PCCB: variants seen among roughly 807,000 people sequenced by gnomAD.
PCCB encodes the protein propionyl-CoA carboxylase beta chain, mitochondrial.
In PCCB, 43 loss-of-function variants were observed where a neutral mutation model predicts 60.7. That is an observed-to-expected ratio of 0.71 (90% CI 0.55 to 0.91). The LOEUF (loss-of-function observed/expected upper bound fraction) is 0.91. Ranked by LOEUF, PCCB falls within the 40% of genes least tolerant of loss-of-function variation. The probability of loss-of-function intolerance (pLI) is 0.00; values close to 1 mark genes in which losing one functional copy is unlikely to be tolerated. For missense variants in PCCB, 766 were observed against 702.8 expected, an observed-to-expected ratio of 1.09 and a Z score of -1.02; for synonymous variants, 276 against 255.9, an observed-to-expected ratio of 1.08 and a Z score of -0.75.
chr3:136,263,254 G>GTT (rs137942280), intron 5 of PCCB, among the ~76,000 whole-genome samples: 72,403 of 125,898 alleles, frequency 0.58, 21,552 homozygotes, highest in East Asian at 0.92. Context: ...CGCCCAGCTG[G>GTT]TTTTTTTTTT....
intron 5 of PCCB, among the ~76,000 whole-genome samples, chr3:136,268,098 A>ATATATATATATATATATG (rs1942073973): frequency 8.7e-6 from 1 of 115,538 alleles, no homozygotes; most frequent in Non-Finnish European, 1.7e-5. Context: ...ATATATATAT[A>ATATATATATATATATATG]TATATATATA....
intron 10 of PCCB, among the ~76,000 whole-genome samples, chr3:136,324,663 G>C (rs982881551): frequency 4.2e-4 from 64 of 151,886 alleles, no homozygotes; most frequent in African/African-American, 1.5e-3. Flanking sequence ...TCTGCAGGTT[G>C]TTCCTCTACC....
In PCCB at chr3:136,255,936, CAG is replaced by C; in HGVS notation, c.266_267del (p.Arg89MetfsTer9). The C allele has an allele frequency of 6.2e-7, 1 of 1,614,098 alleles. No individual in the cohort carries two copies. The highest frequency in any genetic ancestry group is 8.5e-7 in the Non-Finnish European group (1 of 1,179,916). On this transcript the variant is annotated frameshift_variant, in exon 2 of 15. Transcript: ENST00000251654. LOFTEE classifies it high-confidence loss of function. The part of the protein sequence containing the change: ...FVESDMFVEH[R>X]CADFGMAADK... Reference sequence around the variant, plus strand: ...TTGAGAGCGACATGTTTGTGGAACACAGATGTGCAGATTTTGGAATGGCTGCT... The same window carrying C: ...TTGAGAGCGACATGTTTGTGGAACACATGTGCAGATTTTGGAATGGCTGCT...
At chr3:136,258,629 AGGG>A (rs1217521033) in intron 3 of PCCB, among the ~76,000 whole-genome samples, 1 of 152,116 alleles carries the variant, frequency 6.6e-6, no homozygotes, top group African/African-American at 2.4e-5. Context: ...AGAGAAAAAA[AGGG>A]GCCAGCACTC....
chr3:136,293,513 A>G (rs185564103), intron 6 of PCCB, among the ~76,000 whole-genome samples: 96 of 152,334 alleles, frequency 6.3e-4, no homozygotes, highest in African/African-American at 2.3e-3. Flanking sequence ...TGACCTTGAG[A>G]TGTTAGCCAC....
chr3:136,255,610 C>T (rs1266872692), intron 1 of PCCB: 20 of 528,266 alleles, frequency 3.8e-5, no homozygotes, highest in Admixed American at 9.4e-5. Flanking sequence ...ACCTTTTCCT[C>T]GTCCTATTTC....
chr3:136,300,969 T>G, intron 8 of PCCB, 61 bp from the exon 9 acceptor site: 3 of 1,273,350 alleles, frequency 2.4e-6, no homozygotes, highest in Non-Finnish European at 3.4e-6. Context: ...CCCACCCCAT[T>G]CCCACAAAAG....
chr3:136,264,078 C>G (rs978022342), intron 5 of PCCB, among the ~76,000 whole-genome samples: 1 of 151,882 alleles, frequency 6.6e-6, no homozygotes, highest in Non-Finnish European at 1.5e-5. Context: ...TCCTATATGT[C>G]CTTTTCCCAG....
Position 136,255,994 on chromosome 3 carries a change from G to A in PCCB, c.303+19G>A. On this transcript the variant is annotated intron_variant, in intron 2 of 14. Transcript: ENST00000251654. ...GAATAAGGTATTTGTTCAAATGGTG[G>A]TGTGAACACTTTTTAGGTGTGGCTC... The A allele has an allele frequency of 1.2e-6, 2 of 1,614,072 alleles. No homozygotes were observed. Among genetic ancestry groups the A allele is most frequent in the Non-Finnish European group, 1.7e-6 (2 of 1,179,910 alleles).
At chr3:136,259,696 C>A (rs1214652665) in intron 3 of PCCB, among the ~76,000 whole-genome samples, 1 of 152,092 alleles carries the variant, frequency 6.6e-6, no homozygotes, top group Non-Finnish European at 1.5e-5. Context: ...ATGGAATAAT[C>A]TATAAATCAG....
rs763424489 is a variant in PCCB at position 136,298,069 on chromosome 3, C to A, written c.881C>A (p.Pro294His). 1 of 1,613,954 alleles carries A rather than the reference C, an allele frequency of 6.2e-7. No individual in the cohort carries two copies. Among genetic ancestry groups the A allele is most frequent in the African/African-American group, 1.3e-5 (1 of 74,910 alleles). ...DPAPVRECHD[P>H]SDRLVPELDT... ...GCTCCCGTCCGTGAGTGCCACGATC[C>A]CAGGTGGGTTGTAGGCCGGTGCACC... The change falls in exon 8 of 15, where the codon CCC (proline) becomes CAC (histidine). Residue 294 changes from proline (P) to histidine (H), a missense_variant. By Grantham distance (77) the Pro-to-His change is moderately conservative (BLOSUM62 -2). Transcript: ENST00000251654.
chr3:136,287,043 A>T lies in PCCB; in HGVS notation c.654+3096A>T, dbSNP rs532880128. Among the ~76,000 whole-genome samples, 1,045 of 151,610 alleles carry T rather than the reference A, an allele frequency of 6.9e-3. 14 individuals are homozygous for T. The highest frequency in any genetic ancestry group is 0.023 in the African/African-American group (943 of 41,158). ...AAGACTCTGTCTCGGAAAAAAAAAA[A>T]AAAATAATAAAAATAACCCAGGTCA... On this transcript the variant is annotated intron_variant, in intron 6 of 14. Transcript: ENST00000251654.
chr3:136,298,755 G>A (rs749324124), intron 8 of PCCB, among the ~76,000 whole-genome samples: 4 of 152,154 alleles, frequency 2.6e-5, no homozygotes, highest in Non-Finnish European at 4.4e-5. Context: ...ACCTCTAGCC[G>A]TTCCATTTTA....
intron 6 of PCCB, 103 bp from the exon 7 acceptor site, chr3:136,293,653 G>A (rs940002986): frequency 7.4e-6 from 6 of 806,698 alleles, no homozygotes; most frequent in Admixed American, 1.7e-5. Flanking sequence ...ATTCAGCCAC[G>A]TCACTATCTT....
At chr3:136,312,842 T>C (rs939563215) in intron 9 of PCCB, among the ~76,000 whole-genome samples, 1 of 152,180 alleles carries the variant, frequency 6.6e-6, no homozygotes, top group Non-Finnish European at 1.5e-5. Flanking sequence ...AAGAAACTCT[T>C]GGCAGCATGT....
At chr3:136,314,782 A>T (rs1347194359) in intron 9 of PCCB, among the ~76,000 whole-genome samples, 1 of 152,240 alleles carries the variant, frequency 6.6e-6, no homozygotes, top group Non-Finnish European at 1.5e-5. Context: ...AACCTAGTGG[A>T]TGAAGAACTA....
chr3:136,329,872 A>G (rs758054515), intron 14 of PCCB, 33 bp from the exon 15 acceptor site: 6 of 1,613,512 alleles, frequency 3.7e-6, no homozygotes, highest in Non-Finnish European at 4.2e-6. Flanking sequence ...CTCGGGATGC[A>G]GATGATCCAC....
At chr3:136,292,906 C>T (rs547329649) in intron 6 of PCCB, among the ~76,000 whole-genome samples, 1 of 152,272 alleles carries the variant, frequency 6.6e-6, no homozygotes, top group South Asian at 2.1e-4. Flanking sequence ...ACTGTATCTC[C>T]TGTTCCTCTG....
chr3:136,309,860 G>T (rs1934593433), intron 9 of PCCB, among the ~76,000 whole-genome samples: 1 of 151,890 alleles, frequency 6.6e-6, no homozygotes, highest in East Asian at 1.9e-4. Context: ...GGAAAACACA[G>T]TTTAACAGAA....
Sources: gnomAD v4.1 joint callset for allele counts (sites outside exome capture counted in the v4.1 genomes callset) on GRCh38, gnomAD v4.1.1 for gene constraint, MANE v1.5 for transcripts, NCBI Gene and HGNC (gene_info 2026-07-23, HGNC 2026-07-21) for gene names.